NEURL1: variants seen among roughly 807,000 people sequenced by gnomAD.
NEURL1 encodes the protein E3 ubiquitin-protein ligase NEURL1.
Under a neutral mutation model 41.2 loss-of-function variants are expected in NEURL1, and 26 were observed. That is an observed-to-expected ratio of 0.63 (90% CI 0.46 to 0.87). NEURL1 has a LOEUF of 0.87. Among genes scored for constraint, NEURL1 ranks in the 40% least tolerant of loss-of-function variants. NEURL1 has a pLI of 0.00. For missense variants in NEURL1, 761 were observed against 871.1 expected (o/e 0.87, Z 1.59); for synonymous variants, 400 against 402.3 (o/e 0.99, Z 0.07).
At chr10:103,580,801 C>A (rs1029243142) in intron 3 of NEURL1, among the ~76,000 whole-genome samples, 4 of 152,196 alleles carry the variant, frequency 2.6e-5, no homozygotes, top group Non-Finnish European at 5.9e-5. Context: ...CCCCTCCCAA[C>A]TCTAGCAAGA....
At chr10:103,522,527 G>A (rs968219669) in intron 1 of NEURL1, among the ~76,000 whole-genome samples, 5 of 150,498 alleles carry the variant, frequency 3.3e-5, no homozygotes, top group African/African-American at 4.9e-5. Flanking sequence ...ACTTGAACCC[G>A]GGAGGTGGAG....
chr10:103,506,703 G>A (rs2033954300), intron 1 of NEURL1, among the ~76,000 whole-genome samples: 2 of 152,112 alleles, frequency 1.3e-5, no homozygotes, highest in African/African-American at 4.8e-5. Flanking sequence ...GAGACTACAG[G>A]TGTGCACCAC....
intron 1 of NEURL1, among the ~76,000 whole-genome samples, chr10:103,504,417 G>A (rs2033900488): frequency 6.6e-6 from 1 of 152,164 alleles, no homozygotes; most frequent in Admixed American, 6.5e-5. Context: ...TCTCTATTGG[G>A]ATTTTTGTGG....
chr10:103,519,134 C>T (rs934905583), intron 1 of NEURL1, among the ~76,000 whole-genome samples: 1 of 151,984 alleles, frequency 6.6e-6, no homozygotes, highest in Admixed American at 6.6e-5. Flanking sequence ...GTAATCCCAG[C>T]TACTCGGGAG....
intron 4 of NEURL1, among the ~76,000 whole-genome samples, chr10:103,588,185 A>AC: frequency 6.6e-6 from 1 of 152,148 alleles, no homozygotes; most frequent in South Asian, 2.1e-4. Context: ...AGGCGCCTGT[A>AC]GTCCCAGCTA....
chr10:103,569,433 C>T (rs994230024), intron 1 of NEURL1, among the ~76,000 whole-genome samples: 8 of 152,210 alleles, frequency 5.3e-5, no homozygotes, highest in African/African-American at 1.9e-4. Context: ...AGATGTGAAC[C>T]TCAACAGCTA....
At chr10:103,554,711 A>C (rs1444372450) in intron 1 of NEURL1, among the ~76,000 whole-genome samples, 1 of 152,196 alleles carries the variant, frequency 6.6e-6, no homozygotes, top group African/African-American at 2.4e-5. Flanking sequence ...CAAAGGAGTT[A>C]ATACTTGCAA....
At chr10:103,565,564 A>C (rs1245120065) in intron 1 of NEURL1, among the ~76,000 whole-genome samples, 1 of 152,194 alleles carries the variant, frequency 6.6e-6, no homozygotes, top group East Asian at 1.9e-4. Flanking sequence ...GGGTGAGCTG[A>C]TGGGGGTGCC....
chr10:103,498,717 C>T (rs1248840141), intron 1 of NEURL1, among the ~76,000 whole-genome samples: 1 of 152,244 alleles, frequency 6.6e-6, no homozygotes, highest in Non-Finnish European at 1.5e-5. Flanking sequence ...CCCTGAATCC[C>T]TGGAAACCAC....
chr10:103,563,915 G>A (rs2035362108), intron 1 of NEURL1, among the ~76,000 whole-genome samples: 1 of 152,190 alleles, frequency 6.6e-6, no homozygotes, highest in Admixed American at 6.5e-5. Flanking sequence ...GGCATTGGGG[G>A]CATAAATCAA....
Position 103,589,595 on chromosome 10 carries a change from G to C in NEURL1, c.1421G>C (p.Gly474Ala). 1 of 1,613,922 alleles carries C rather than the reference G, an allele frequency of 6.2e-7. No individual in the cohort carries two copies. ...ACGCCAACCTCGCCCAGTGCCCTGG[G>C]CAGCCGCCTGTCTGACCCCTTGCTC... ...ASTPTSPSAL[G>A]SRLSDPLLST... The change falls in exon 5 of 6, where the codon GGC becomes GCC. Residue 474 changes from glycine to alanine, a missense_variant. Coordinates refer to ENST00000369780, the MANE Select transcript of NEURL1 (RefSeq NM_004210.5).
chr10:103,501,942 T>C (rs2033835422), intron 1 of NEURL1, among the ~76,000 whole-genome samples: 1 of 151,912 alleles, frequency 6.6e-6, no homozygotes. Context: ...CCATTATTTA[T>C]TTATTGTAGA....
chr10:103,540,684 GA>G (rs11343253), intron 1 of NEURL1, among the ~76,000 whole-genome samples: 39,837 of 152,070 alleles, frequency 0.26, 6,865 homozygotes, highest in African/African-American at 0.49. Context: ...TTATGAATAA[GA>G]ATCATTTTCG....
intron 3 of NEURL1, among the ~76,000 whole-genome samples, chr10:103,579,177 C>T (rs565609348): frequency 6.6e-6 from 1 of 152,336 alleles, no homozygotes; most frequent in African/African-American, 2.4e-5. Context: ...TGGGGCCCTC[C>T]TCAGTCTGTC....
rs1413800550 is a variant in NEURL1, at chr10:103,589,598, G to T, written c.1424G>T (p.Ser475Ile). 6.2e-7 allele frequency: 1 copy of T among 1,613,926 alleles called. No homozygotes were observed. Among genetic ancestry groups the T allele is most frequent in the Non-Finnish European group, 8.5e-7 (1 of 1,179,894 alleles). ...STPTSPSALG[S>I]RLSDPLLSTC... Reference sequence around the variant, plus strand: ...CCAACCTCGCCCAGTGCCCTGGGCAGCCGCCTGTCTGACCCCTTGCTCAGC... The same window carrying T: ...CCAACCTCGCCCAGTGCCCTGGGCATCCGCCTGTCTGACCCCTTGCTCAGC... The change falls in exon 5 of 6, where the codon AGC (serine) becomes ATC (isoleucine). Residue 475 changes from serine to isoleucine, a missense_variant. By Grantham distance (142) the Ser-to-Ile change is moderately radical. Around this residue, in one of 5 missense-constraint regions of NEURL1, gnomAD observed 443 missense variants for 408.1 expected, o/e 1.09. Transcript: ENST00000369780.
intron 1 of NEURL1, among the ~76,000 whole-genome samples, chr10:103,549,596 A>G (rs1346440833): frequency 1.3e-5 from 2 of 152,228 alleles, no homozygotes; most frequent in East Asian, 3.8e-4. Flanking sequence ...GGATGGCCAT[A>G]AGCCTCAAAT....
intron 1 of NEURL1, among the ~76,000 whole-genome samples, chr10:103,505,990 C>T (rs2033937761): frequency 6.6e-6 from 1 of 152,114 alleles, no homozygotes; most frequent in African/African-American, 2.4e-5. Flanking sequence ...AGAGAGGGCC[C>T]TTCTTGGGAT....
chr10:103,498,448 G>C (rs968905597), intron 1 of NEURL1, among the ~76,000 whole-genome samples: 3 of 152,126 alleles, frequency 2.0e-5, no homozygotes, highest in African/African-American at 4.8e-5. Flanking sequence ...GGATGGTCTC[G>C]ATCTCCTGAC....
At chr10:103,506,517 G>T (rs1301265400) in intron 1 of NEURL1, among the ~76,000 whole-genome samples, 2 of 151,680 alleles carry the variant, frequency 1.3e-5, no homozygotes, top group African/African-American at 2.4e-5. Flanking sequence ...TGGCAGGAGG[G>T]TCCTCCCTTC....
Sources: gnomAD v4.1 joint callset for allele counts (sites outside exome capture counted in the v4.1 genomes callset) on GRCh38, gnomAD v4.1.1 for gene constraint, gnomAD v4.1.1 regional missense constraint, MANE v1.5 for transcripts, NCBI Gene and HGNC (gene_info 2026-07-23, HGNC 2026-07-21) for gene names.